Variants in COLEC12 observed in about 807,000 individuals in gnomAD.
The protein encoded by COLEC12 is collectin-12.
COLEC12 carries 33 observed loss-of-function variants against 71.1 expected under a neutral mutation model. That is an observed-to-expected ratio of 0.46 (90% CI 0.35 to 0.62). COLEC12 has a LOEUF of 0.62. Ranked by LOEUF, COLEC12 falls within the 20% of genes least tolerant of loss-of-function variation. The pLI, the probability that COLEC12 is intolerant of heterozygous loss-of-function variation, is 0.00. For missense variants in COLEC12, 765 were observed against 916.1 expected (o/e 0.84, Z 2.13); for synonymous variants, 350 against 353.0 (o/e 0.99, Z 0.10).
chr18:357,387 A>C lies in COLEC12; in HGVS notation c.181+13T>G, dbSNP rs925962119. 6.3e-7 allele frequency: 1 copy of C among 1,583,326 alleles called. No individual in the cohort carries two copies. Among genetic ancestry groups the C allele is most frequent in the Admixed American group, 2.0e-5 (1 of 50,414 alleles). On this transcript the variant is annotated intron_variant, in intron 3 of 9. Coordinates refer to ENST00000400256, the MANE Select transcript of COLEC12 (RefSeq NM_130386.3). ...ACTTGTTATTTGGAAGAAAAAAAAGAAAGCATGCTTACCTTTATATCCCAA... is the reference window on the plus strand; with the variant it reads ...ACTTGTTATTTGGAAGAAAAAAAAGCAAGCATGCTTACCTTTATATCCCAA...
chr18:347,207 A>T lies in COLEC12; in HGVS notation c.415T>A (p.Leu139Ile). 1 of 1,614,080 alleles carries T rather than the reference A, an allele frequency of 6.2e-7. No individual in the cohort carries two copies. The highest frequency in any genetic ancestry group is 1.7e-5 in the Admixed American group (1 of 59,984). ...TSKNKDTLEK[L>I]QASGDALVDR... is the part of the protein sequence containing the mutation. ...ACCAGAGCATCCCCGCTCGCCTGTA[A>T]CTTCTCCAGCGTATCCTTGTTCTTG... Residue 139 changes from leucine to isoleucine, a missense_variant, in exon 5 of 10, where the codon TTA becomes ATA. Physicochemically the swap from Leu to Ile is conservative, Grantham distance 5 (BLOSUM62 2). Coordinates refer to ENST00000400256, the MANE Select transcript of COLEC12 (RefSeq NM_130386.3).
At chr18:360,524 T>C (rs1914721917) in intron 2 of COLEC12, among the ~76,000 whole-genome samples, 1 of 151,978 alleles carries the variant, frequency 6.6e-6, no homozygotes, top group South Asian at 2.1e-4. Flanking sequence ...TCCCAGGTGA[T>C]GCTGATGCTG....
intron 8 of COLEC12, among the ~76,000 whole-genome samples, chr18:330,965 C>T (rs533562518): frequency 1.4e-4 from 21 of 151,658 alleles, no homozygotes; most frequent in Admixed American, 2.6e-4. Context: ...CTACAACCTC[C>T]GCCTCCTGGG....
intron 5 of COLEC12, among the ~76,000 whole-genome samples, chr18:343,461 A>C (rs770006495): frequency 9.9e-5 from 15 of 151,334 alleles, no homozygotes; most frequent in Non-Finnish European, 1.9e-4. Flanking sequence ...TTCTAGGCCA[A>C]GTCACCAACA....
chr18:431,252 C>T (rs1249093205), intron 2 of COLEC12, among the ~76,000 whole-genome samples: 1 of 152,024 alleles, frequency 6.6e-6, no homozygotes, highest in Non-Finnish European at 1.5e-5. Context: ...ATCCTTGCAC[C>T]CTGGCCTCCT....
intron 2 of COLEC12, among the ~76,000 whole-genome samples, chr18:443,158 T>C (rs1486421109): frequency 6.6e-6 from 1 of 152,254 alleles, no homozygotes; most frequent in Non-Finnish European, 1.5e-5. Flanking sequence ...ATATTCTGTA[T>C]GTATATATTC....
intron 2 of COLEC12, among the ~76,000 whole-genome samples, chr18:400,160 G>C (rs190073029): frequency 7.1e-4 from 108 of 152,228 alleles, no homozygotes; most frequent in Non-Finnish European, 1.4e-3. Flanking sequence ...GAGATGGAAA[G>C]GGTCCTGAAA....
At chr18:493,135 A>C (rs1012652063) in intron 1 of COLEC12, among the ~76,000 whole-genome samples, 2 of 152,224 alleles carry the variant, frequency 1.3e-5, no homozygotes, top group Non-Finnish European at 2.9e-5. Flanking sequence ...CGAACCCAAG[A>C]GACAGAGGTT....
chr18:322,513 T>C (rs1913732470), intron 8 of COLEC12, among the ~76,000 whole-genome samples: 1 of 152,184 alleles, frequency 6.6e-6, no homozygotes, highest in Non-Finnish European at 1.5e-5. Context: ...CTTCTTAACT[T>C]GGATGCTGCT....
At chr18:433,782 G>T (rs1916350409) in intron 2 of COLEC12, among the ~76,000 whole-genome samples, 1 of 152,142 alleles carries the variant, frequency 6.6e-6, no homozygotes. Flanking sequence ...TGGGGAACAT[G>T]GCGAAACCCT....
chr18:330,731 CT>C (rs1220434913), intron 8 of COLEC12, among the ~76,000 whole-genome samples: 12 of 152,092 alleles, frequency 7.9e-5, no homozygotes, highest in African/African-American at 2.7e-4. Flanking sequence ...TGATTCTATT[CT>C]TTGTTGCTCC....
chr18:417,919 G>A (rs139763578), intron 2 of COLEC12, among the ~76,000 whole-genome samples: 3 of 152,240 alleles, frequency 2.0e-5, no homozygotes, highest in African/African-American at 7.2e-5. Context: ...CACTTTGGGC[G>A]ATTCAGTCCT....
intron 2 of COLEC12, among the ~76,000 whole-genome samples, chr18:440,360 A>ACAC (rs1916491248): frequency 8.4e-6 from 1 of 118,746 alleles, no homozygotes; most frequent in Non-Finnish European, 1.7e-5. Flanking sequence ...AAATGTTCTC[A>ACAC]ACACACACAC....
At chr18:469,313 C>A (rs569946394) in intron 2 of COLEC12, among the ~76,000 whole-genome samples, 1 of 152,228 alleles carries the variant, frequency 6.6e-6, no homozygotes, top group Admixed American at 6.5e-5. Flanking sequence ...GGAAATTCTG[C>A]GGGTGAGAGA....
intron 3 of COLEC12, 87 bp downstream of exon 3, chr18:357,313 T>G (rs1914648493): frequency 7.9e-7 from 1 of 1,263,620 alleles, no homozygotes. Context: ...AATGAAATAC[T>G]TCGTATTTGC....
chr18:431,195 G>T (rs1478223508), intron 2 of COLEC12, among the ~76,000 whole-genome samples: 1 of 151,132 alleles, frequency 6.6e-6, no homozygotes, highest in East Asian at 1.9e-4. Context: ...TAGAGACGAG[G>T]TCTTGTTATA....
At chr18:469,734 C>T (rs1961078984) in intron 2 of COLEC12, among the ~76,000 whole-genome samples, 1 of 152,194 alleles carries the variant, frequency 6.6e-6, no homozygotes, top group African/African-American at 2.4e-5. Flanking sequence ...GGATCCCTGA[C>T]ACCCTACTTC....
At chr18:499,404 C>T (rs1037055401) in intron 1 of COLEC12, among the ~76,000 whole-genome samples, 1 of 152,152 alleles carries the variant, frequency 6.6e-6, no homozygotes, top group African/African-American at 2.4e-5. Context: ...GCGGGAGCTG[C>T]CCTTCAGAAA....
chr18:477,095 C>T (rs749386503), intron 2 of COLEC12, among the ~76,000 whole-genome samples: 1 of 152,124 alleles, frequency 6.6e-6, no homozygotes, highest in Non-Finnish European at 1.5e-5. Context: ...AAACAGAAGA[C>T]CTGGTTGAGA....
Sources: gnomAD v4.1 joint callset for allele counts (sites outside exome capture counted in the v4.1 genomes callset) on GRCh38, gnomAD v4.1.1 for gene constraint, MANE v1.5 for transcripts, NCBI Gene and HGNC (gene_info 2026-07-23, HGNC 2026-07-21) for gene names.